Variants in PRKN observed in about 807,000 individuals in gnomAD.
The protein encoded by PRKN is E3 ubiquitin-protein ligase parkin.
Under a neutral mutation model 59.5 loss-of-function variants are expected in PRKN, and 56 were observed. The observed-to-expected ratio is 0.94, with a 90% CI of 0.76 to 1.18. PRKN has a LOEUF of 1.18. Ranked by LOEUF, PRKN falls within the 50% of genes most tolerant of loss-of-function variation. The pLI, the probability that PRKN is intolerant of heterozygous loss-of-function variation, is 0.00. For synonymous variants in PRKN, 250 were observed against 222.1 expected (o/e 1.13, Z -1.12); for missense variants, 657 against 596.4 (o/e 1.10, Z -1.06).
intron 7 of PRKN, among the ~76,000 whole-genome samples, chr6:161,663,114 C>T (rs948585807): frequency 2.0e-5 from 3 of 152,238 alleles, no homozygotes; most frequent in African/African-American, 7.2e-5. Context: ...TGTGACTTTG[C>T]TCCTCCTTTG....
chr6:162,226,192 T>A (rs1412354413), intron 3 of PRKN, among the ~76,000 whole-genome samples: 1 of 151,118 alleles, frequency 6.6e-6, no homozygotes, highest in African/African-American at 2.4e-5. Context: ...AAAGAGAGAC[T>A]GAGAAAAGCA....
intron 6 of PRKN, among the ~76,000 whole-genome samples, chr6:161,787,489 A>G (rs755623792): frequency 2.0e-5 from 3 of 152,192 alleles, no homozygotes; most frequent in Non-Finnish European, 2.9e-5. Flanking sequence ...AAGCTGCTGT[A>G]TTCTACCTTT....
intron 6 of PRKN, among the ~76,000 whole-genome samples, chr6:161,937,341 G>A (rs998023849): frequency 2.6e-5 from 4 of 152,112 alleles, no homozygotes; most frequent in African/African-American, 4.8e-5. Context: ...TTACTATCAG[G>A]AGAAACACTG....
In PRKN at chr6:161,782,967, T is replaced by C. The variant is rs554443619; in HGVS notation, c.871+2805A>G. Among the ~76,000 whole-genome samples the C allele has an allele frequency of 1.8e-4, 28 of 152,232 alleles. 1 individual carries two copies. The South Asian group carries it at 5.8e-3, about 32-fold the overall frequency. On this transcript the variant is annotated intron_variant, in intron 7 of 11. Coordinates refer to ENST00000366898, the MANE Select transcript of PRKN (RefSeq NM_004562.3). ...ATACATATTCAATTGATGACATAAC[T>C]ATACATTAACTTATATGAGTTTATA...
intron 4 of PRKN, among the ~76,000 whole-genome samples, chr6:162,186,651 T>C (rs1054527594): frequency 2.0e-5 from 3 of 152,324 alleles, no homozygotes; most frequent in East Asian, 1.9e-4. Flanking sequence ...TGGGAGGTGG[T>C]TGGATCCTGG....
chr6:162,449,047 C>T (rs1417585470), intron 1 of PRKN, among the ~76,000 whole-genome samples: 1 of 151,936 alleles, frequency 6.6e-6, no homozygotes, highest in Non-Finnish European at 1.5e-5. Flanking sequence ...ACCACCACAC[C>T]CAGCAATTTT....
At position 162,076,243 on chromosome 6, in the gene PRKN, A is replaced by G. The variant is rs146715139; in HGVS notation, c.535-22069T>C. Among the ~76,000 whole-genome samples the G allele has an allele frequency of 6.2e-3, 950 of 152,248 alleles. 19 individuals are homozygous for G. Among genetic ancestry groups the G allele is most frequent in the African/African-American group, 0.022 (900 of 41,506 alleles). On this transcript the variant is annotated intron_variant, in intron 4 of 11. Transcript: ENST00000366898. ...ATTGGCCTCCCAAAGTGCTGGGATT[A>G]CAGGTTGCAAGCCACCTGGCCCAGC...
chr6:162,596,849 G>C (rs1310566655), intron 1 of PRKN, among the ~76,000 whole-genome samples: 1 of 152,064 alleles, frequency 6.6e-6, no homozygotes, highest in East Asian at 1.9e-4. Context: ...CCAGAGAAAG[G>C]GACTGACTTC....
At chr6:162,553,222 G>A (rs1267763602) in intron 1 of PRKN, among the ~76,000 whole-genome samples, 1 of 152,164 alleles carries the variant, frequency 6.6e-6, no homozygotes, top group Non-Finnish European at 1.5e-5. Flanking sequence ...AGAGGTGGGT[G>A]TCCAGCACAA....
intron 9 of PRKN, among the ~76,000 whole-genome samples, chr6:161,512,835 T>G (rs2115336403): frequency 6.6e-6 from 1 of 152,352 alleles, no homozygotes; most frequent in South Asian, 2.1e-4. Context: ...TTACTTCCAA[T>G]TAAATTAAGG....
chr6:162,515,326 G>A (rs1253698443), intron 1 of PRKN, among the ~76,000 whole-genome samples: 1 of 152,008 alleles, frequency 6.6e-6, no homozygotes, highest in African/African-American at 2.4e-5. Context: ...CAGGTGATCC[G>A]CCTGCCTCAG....
At chr6:162,210,107 A>AAAAATAAAATAAT (rs1785141113) in intron 3 of PRKN, among the ~76,000 whole-genome samples, 1 of 144,162 alleles carries the variant, frequency 6.9e-6, no homozygotes, top group Non-Finnish European at 1.5e-5. Context: ...TATAATAATA[A>AAAAATAAAATAAT]AAAATAAAAT....
intron 9 of PRKN, among the ~76,000 whole-genome samples, chr6:161,415,893 A>G (rs1583039529): frequency 6.6e-6 from 1 of 151,900 alleles, no homozygotes; most frequent in African/African-American, 2.4e-5. Flanking sequence ...GTGCCAGAAC[A>G]TGCCGTGGGC....
At chr6:161,464,920 C>A (rs754882684) in intron 9 of PRKN, among the ~76,000 whole-genome samples, 1 of 152,168 alleles carries the variant, frequency 6.6e-6, no homozygotes, top group Non-Finnish European at 1.5e-5. Flanking sequence ...TTAGCCAGTT[C>A]GACCCACAAA....
Position 161,377,297 on chromosome 6 carries a change from G to A in PRKN, c.1167+9497C>T, listed in dbSNP as rs1272298959. ...GGCATCTAGGCCCAGGCCCAAGCAG[G>A]CCCACGGGGCGTGAGCGAGCTGCAC... is the stretch of plus-strand genomic sequence containing the variant. On this transcript the variant is annotated intron_variant, in intron 10 of 11. Coordinates refer to ENST00000366898, the MANE Select transcript of PRKN (RefSeq NM_004562.3). The surrounding 1 kb of genome is among the most constrained non-coding windows in gnomAD (Gnocchi z 4.2). Among the ~76,000 whole-genome samples, 1 of 152,246 alleles carries A rather than the reference G, an allele frequency of 6.6e-6. No homozygotes were observed. Among genetic ancestry groups the A allele is most frequent in the South Asian group, 2.1e-4 (1 of 4,836 alleles).
At position 161,560,747 on chromosome 6, in the gene PRKN, G is replaced by A. The variant is rs938618902; in HGVS notation, c.933+8608C>T. ...CACCTCTTATCTTTCCAAATCTCTT[G>A]CTAAAGTATGAACATTGCTTAAATT... On this transcript the variant is annotated intron_variant, in intron 8 of 11. Transcript: ENST00000366898. The surrounding 1 kb of genome is among the most constrained non-coding windows in gnomAD (Gnocchi z 4.9). 1.4e-4 allele frequency among the ~76,000 whole-genome samples: 21 copies of A among 152,038 alleles called. No homozygotes were observed. Among genetic ancestry groups the A allele is most frequent in the Admixed American group, 2.0e-4 (3 of 15,256 alleles).
intron 10 of PRKN, among the ~76,000 whole-genome samples, chr6:161,384,599 A>G (rs62435886): frequency 0.07 from 10,661 of 152,254 alleles, 427 homozygotes; most frequent in Non-Finnish European, 0.08. Context: ...TCAACAAACC[A>G]TCTATTAAAT....
intron 4 of PRKN, among the ~76,000 whole-genome samples, chr6:162,187,541 C>T (rs547995812): frequency 3.3e-5 from 5 of 152,254 alleles, no homozygotes; most frequent in East Asian, 3.9e-4. Flanking sequence ...TACACCACCC[C>T]TCCAGCAAGT....
In PRKN at chr6:161,401,826, A is replaced by G. The variant is rs1280317877; in HGVS notation, c.1084-14949T>C. Among the ~76,000 whole-genome samples, 1 of 152,142 alleles carries G rather than the reference A, an allele frequency of 6.6e-6. No individual in the cohort carries two copies. Among genetic ancestry groups the G allele is most frequent in the Admixed American group, 6.6e-5 (1 of 15,262 alleles). ...GTTTCTGGCCCAGAACCTCTGCCCT[A>G]AATGATTATTCATGAATGTTCTGGC... On this transcript the variant is annotated intron_variant, in intron 9 of 11. Transcript: ENST00000366898. The surrounding 1 kb of genome is among the most constrained non-coding windows in gnomAD (Gnocchi z 4.4).
Sources: gnomAD v4.1 joint callset for allele counts (sites outside exome capture counted in the v4.1 genomes callset) on GRCh38, gnomAD v4.1.1 for gene constraint, Gnocchi (gnomAD v3.1) non-coding constraint, MANE v1.5 for transcripts, NCBI Gene and HGNC (gene_info 2026-07-23, HGNC 2026-07-21) for gene names.